RGSL1: variants seen among roughly 807,000 people sequenced by gnomAD.
RGSL1 encodes regulator of G protein signaling protein-like.
A neutral mutation model predicts 124.7 loss-of-function variants in RGSL1; 97 were observed. The ratio of observed to expected loss-of-function variants is 0.78; its 90% CI spans 0.66 to 0.92. The LOEUF (loss-of-function observed/expected upper bound fraction) is 0.92. Among genes scored for constraint, RGSL1 ranks in the 40% least tolerant of loss-of-function variants. The probability of loss-of-function intolerance (pLI) is 0.00; values close to 1 mark genes in which losing one functional copy is unlikely to be tolerated. For synonymous variants in RGSL1, 424 were observed against 438.1 expected (o/e 0.97, Z 0.40); for missense variants, 1,233 against 1,288.4 (o/e 0.96, Z 0.66).
At chr1:182,520,135 G>C (rs959146858) in intron 9 of RGSL1, among the ~76,000 whole-genome samples, 1 of 152,068 alleles carries the variant, frequency 6.6e-6, no homozygotes, top group South Asian at 2.1e-4. Context: ...TGAACCTCCG[G>C]ATGAAGTTAT....
At chr1:182,458,881 C>T (rs191250830) in intron 3 of RGSL1, among the ~76,000 whole-genome samples, 4 of 152,196 alleles carry the variant, frequency 2.6e-5, no homozygotes, top group African/African-American at 9.7e-5. Flanking sequence ...CAGCATCAAT[C>T]CAGGTCTACA....
chr1:182,450,952 G>C (rs1439755185), intron 1 of RGSL1, among the ~76,000 whole-genome samples: 4 of 152,078 alleles, frequency 2.6e-5, no homozygotes, highest in Non-Finnish European at 2.9e-5. Flanking sequence ...TTCAAGACCA[G>C]CCTGGCCAAC....
intron 10 of RGSL1, among the ~76,000 whole-genome samples, chr1:182,523,656 C>T (rs1346418963): frequency 6.6e-6 from 1 of 152,128 alleles, no homozygotes; most frequent in Non-Finnish European, 1.5e-5. Flanking sequence ...CAGAATAGCT[C>T]AGGGATACCA....
intron 4 of RGSL1, among the ~76,000 whole-genome samples, chr1:182,464,184 A>C (rs1653080247): frequency 6.6e-6 from 1 of 152,236 alleles, no homozygotes; most frequent in Non-Finnish European, 1.5e-5. Flanking sequence ...TATGGGATAA[A>C]ATAAAAGCAG....
intron 9 of RGSL1, among the ~76,000 whole-genome samples, chr1:182,497,282 CAT>C (rs954807315): frequency 1.4e-5 from 2 of 145,448 alleles, no homozygotes; most frequent in African/African-American, 5.1e-5. Flanking sequence ...TGTGTGTGTG[CAT>C]GTGTGTGTGT....
intron 11 of RGSL1, among the ~76,000 whole-genome samples, chr1:182,528,471 C>T (rs1658922265): frequency 6.6e-6 from 1 of 152,176 alleles, no homozygotes; most frequent in African/African-American, 2.4e-5. Flanking sequence ...TCCCTTCCAC[C>T]TGTGAGCCTG....
chr1:182,536,591 T>C (rs1659555428), intron 14 of RGSL1, among the ~76,000 whole-genome samples: 1 of 152,178 alleles, frequency 6.6e-6, no homozygotes, highest in Non-Finnish European at 1.5e-5. Flanking sequence ...GACATATTAG[T>C]CCATTTTCAC....
chr1:182,455,317 C>T (rs1177852273), intron 2 of RGSL1, among the ~76,000 whole-genome samples: 2 of 152,196 alleles, frequency 1.3e-5, no homozygotes, highest in Non-Finnish European at 2.9e-5. Context: ...CACGGTGGCT[C>T]ATGCCTGTAA....
intron 9 of RGSL1, among the ~76,000 whole-genome samples, chr1:182,515,803 A>C (rs1166424550): frequency 6.6e-6 from 1 of 152,108 alleles, no homozygotes; most frequent in Non-Finnish European, 1.5e-5. Flanking sequence ...AGACTCGCCC[A>C]GGTGCCCTAG....
intron 12 of RGSL1, among the ~76,000 whole-genome samples, chr1:182,530,568 T>G (rs1659101360): frequency 1.2e-5 from 1 of 86,252 alleles, no homozygotes; most frequent in African/African-American, 4.3e-5. Context: ...CACACACATT[T>G]CTGTTTGTTT....
At chr1:182,456,063 G>T (rs78643276) in intron 2 of RGSL1, among the ~76,000 whole-genome samples, 2 of 152,218 alleles carry the variant, frequency 1.3e-5, no homozygotes, top group South Asian at 4.1e-4. Flanking sequence ...ATAAGTAGAG[G>T]AGATTGTTAA....
At chr1:182,514,269 C>T (rs752390239) in intron 9 of RGSL1, among the ~76,000 whole-genome samples, 1 of 152,284 alleles carries the variant, frequency 6.6e-6, no homozygotes, top group Admixed American at 6.5e-5. Context: ...CCTCGTCCTA[C>T]ATAAGCCTTC....
At chr1:182,489,329 CAAAACAG>C in intron 8 of RGSL1, 127 bp downstream of exon 8, 1 of 799,636 alleles carries the variant, frequency 1.3e-6, no homozygotes, top group Non-Finnish European at 1.9e-6. Flanking sequence ...ATTTGGTCAT[CAAAACAG>C]CCTAAGAGGT....
intron 14 of RGSL1, among the ~76,000 whole-genome samples, chr1:182,538,950 G>A (rs1659718665): frequency 6.6e-6 from 1 of 152,160 alleles, no homozygotes; most frequent in Admixed American, 6.5e-5. Context: ...ACAGCATTTG[G>A]TGACTAATTG....
intron 10 of RGSL1, among the ~76,000 whole-genome samples, chr1:182,524,127 G>A (rs1261952112): frequency 6.6e-6 from 1 of 152,142 alleles, no homozygotes; most frequent in East Asian, 1.9e-4. Flanking sequence ...AACATAAAAA[G>A]CCAGACTGAG....
At chr1:182,450,345 C>G (rs1291539688) in intron 1 of RGSL1, 167 bp downstream of exon 1, 1 of 744,296 alleles carries the variant, frequency 1.3e-6, no homozygotes, top group African/African-American at 1.7e-5. Flanking sequence ...CCCCTTCCTC[C>G]TACCTTCTGC....
At chr1:182,532,568 A>T in intron 13 of RGSL1, 94 bp from the exon 14 acceptor site, 1 of 1,212,566 alleles carries the variant, frequency 8.2e-7, no homozygotes, top group Non-Finnish European at 1.1e-6. Context: ...TGTGAGGATT[A>T]AATGTAGTGA....
chr1:182,485,731 C>T (rs920136753), intron 6 of RGSL1, among the ~76,000 whole-genome samples: 1 of 152,138 alleles, frequency 6.6e-6, no homozygotes, highest in African/African-American at 2.4e-5. Flanking sequence ...GGTTAGCAAA[C>T]TACAGTCTGG....
chr1:182,532,601 A>G, intron 13 of RGSL1, 61 bp from the exon 14 acceptor site: 1 of 1,514,656 alleles, frequency 6.6e-7, no homozygotes, highest in East Asian at 2.5e-5. Context: ...GGCACACAGT[A>G]GACTCTCGGT....
Sources: gnomAD v4.1 joint callset for allele counts (sites outside exome capture counted in the v4.1 genomes callset) on GRCh38, gnomAD v4.1.1 for gene constraint, MANE v1.5 for transcripts, NCBI Gene and HGNC (gene_info 2026-07-23, HGNC 2026-07-21) for gene names.